The following RGS6 variants were observed in gnomAD, a reference collection of about 807,000 sequenced individuals.
RGS6 encodes regulator of G-protein signaling 6.
In RGS6, 30 loss-of-function variants were observed where a neutral mutation model predicts 78.5. The observed-to-expected ratio is 0.38, with a 90% confidence interval of 0.29 to 0.52. The LOEUF is 0.52. Ranked by LOEUF, RGS6 falls within the 20% of genes least tolerant of loss-of-function variation. The pLI is 0.85. For missense variants in RGS6, 495 were observed against 609.7 expected (o/e 0.81, Z 1.98); for synonymous variants, 206 against 206.0 (o/e 1.00, Z 0.00).
At chr14:72,074,168 G>GA (rs930389003) in intron 2 of RGS6, among the ~76,000 whole-genome samples, 7 of 152,134 alleles carry the variant, frequency 4.6e-5, no homozygotes, top group African/African-American at 1.4e-4. Flanking sequence ...ATAACAGACA[G>GA]AAAAAATGGT....
intron 6 of RGS6, among the ~76,000 whole-genome samples, chr14:72,462,206 A>G (rs2095799797): frequency 6.6e-6 from 1 of 152,200 alleles, no homozygotes; most frequent in Non-Finnish European, 1.5e-5. Flanking sequence ...CAAGCATTCC[A>G]GGCTGGGAGA....
intron 2 of RGS6, among the ~76,000 whole-genome samples, chr14:72,234,586 T>G (rs951275532): frequency 6.6e-6 from 1 of 152,144 alleles, no homozygotes; most frequent in Non-Finnish European, 1.5e-5. Context: ...GTTACAGAGC[T>G]GTGATCGTCT....
At chr14:72,476,695 T>G in intron 10 of RGS6, 47 bp from the exon 11 acceptor site, 1 of 1,542,312 alleles carries the variant, frequency 6.5e-7, no homozygotes, top group Non-Finnish European at 9.0e-7. Context: ...TAAGCCACCC[T>G]CCAATTCTGT....
At chr14:72,354,942 T>C (rs1315503559) in intron 3 of RGS6, among the ~76,000 whole-genome samples, 4 of 152,082 alleles carry the variant, frequency 2.6e-5, no homozygotes, top group Non-Finnish European at 5.9e-5. Context: ...TTTTACTATA[T>C]TATTTTTCAC....
intron 17 of RGS6, chr14:72,541,239 G>GTA: frequency 6.9e-7 from 1 of 1,442,870 alleles, no homozygotes; most frequent in South Asian, 1.2e-5. Flanking sequence ...TGTGTGACTG[G>GTA]TATACGTATT....
At chr14:72,234,891 T>C (rs1309496215) in intron 2 of RGS6, among the ~76,000 whole-genome samples, 1 of 152,132 alleles carries the variant, frequency 6.6e-6, no homozygotes, top group Non-Finnish European at 1.5e-5. Context: ...AGAAGTTGTA[T>C]TGTTCCATTT....
intron 2 of RGS6, among the ~76,000 whole-genome samples, chr14:72,135,798 A>G (rs1402122511): frequency 6.6e-6 from 1 of 152,102 alleles, no homozygotes; most frequent in Non-Finnish European, 1.5e-5. Flanking sequence ...TAAAAGAACA[A>G]ATCTATTTTC....
At chr14:72,072,773 A>C (rs1490950641) in intron 2 of RGS6, among the ~76,000 whole-genome samples, 1 of 152,240 alleles carries the variant, frequency 6.6e-6, no homozygotes, top group African/African-American at 2.4e-5. Flanking sequence ...TTAATTTTAA[A>C]TCAATGCTAA....
At chr14:72,534,755 C>A (rs2097224968) in intron 15 of RGS6, among the ~76,000 whole-genome samples, 1 of 152,150 alleles carries the variant, frequency 6.6e-6, no homozygotes, top group Non-Finnish European at 1.5e-5. Context: ...GATGGGAGGT[C>A]TGTGCCTCCT....
In RGS6 at chr14:72,470,046, T is replaced by A; in HGVS notation, c.499T>A (p.Trp167Arg). Residue 167 changes from tryptophan (W) to arginine (R), a missense_variant, in exon 8 of 18, where the codon TGG becomes AGG. Transcript: ENST00000553525. The stretch of plus-strand genomic sequence containing the variant: ...ACTCCAGAGGGCCTTTGCGAGGAAG[T>A]GGGAATTCATCTTTATGCAAGCAGA... ...ARLQRAFARK[W>R]EFIFMQAEAQ... is the part of the protein sequence containing the mutation. 3 of 1,613,484 alleles carry A rather than the reference T, an allele frequency of 1.9e-6. No individual in the cohort carries two copies. Among genetic ancestry groups the A allele is most frequent in the Non-Finnish European group, 2.5e-6 (3 of 1,179,798 alleles).
At chr14:72,404,788 G>A (rs1407271653) in intron 3 of RGS6, among the ~76,000 whole-genome samples, 2 of 152,170 alleles carry the variant, frequency 1.3e-5, no homozygotes, top group Non-Finnish European at 2.9e-5. Flanking sequence ...TGAATTGAGG[G>A]AAGTGGGGGT....
chr14:72,243,839 C>T (rs847254), intron 2 of RGS6, among the ~76,000 whole-genome samples: 46,259 of 151,344 alleles, frequency 0.31, 7,880 homozygotes, highest in South Asian at 0.42. Flanking sequence ...CTTTTAAGTT[C>T]TAGAGCTATG....
intron 2 of RGS6, among the ~76,000 whole-genome samples, chr14:72,020,076 G>A (rs2088045082): frequency 6.6e-6 from 1 of 152,200 alleles, no homozygotes; most frequent in Admixed American, 6.5e-5. Context: ...TTATATTAAT[G>A]ACTTTGACAA....
At chr14:71,969,451 A>T (rs767130254) in intron 2 of RGS6, among the ~76,000 whole-genome samples, 2 of 152,182 alleles carry the variant, frequency 1.3e-5, no homozygotes, top group Non-Finnish European at 2.9e-5. Context: ...GGCATGGAAG[A>T]CATCACACTC....
chr14:72,279,039 C>T (rs967992149), intron 2 of RGS6, among the ~76,000 whole-genome samples: 12 of 152,084 alleles, frequency 7.9e-5, no homozygotes, highest in African/African-American at 2.4e-4. Flanking sequence ...ACCTTATCAT[C>T]GCTTAACCTT....
At chr14:72,617,120 T>C in the RGS6 span, among the ~76,000 whole-genome samples, 2 of 152,150 alleles carry the variant, frequency 1.3e-5, no homozygotes, top group African/African-American at 4.8e-5. Context: ...AGAGCAGACA[T>C]GGGGCTGAGA....
chr14:71,879,405 G>A, the RGS6 span, among the ~76,000 whole-genome samples: 1 of 152,302 alleles, frequency 6.6e-6, no homozygotes, highest in Non-Finnish European at 1.5e-5. Context: ...ATATGAGCAA[G>A]ATGACTCCTT....
intron 3 of RGS6, among the ~76,000 whole-genome samples, chr14:72,363,886 TC>T (rs1213190197): frequency 6.7e-6 from 1 of 149,212 alleles, no homozygotes; most frequent in Non-Finnish European, 1.5e-5. Context: ...AGAATAGTCT[TC>T]CAACACAGGA....
At chr14:71,937,152 T>C (rs2089595345) in intron 1 of RGS6, among the ~76,000 whole-genome samples, 1 of 152,228 alleles carries the variant, frequency 6.6e-6, no homozygotes, top group Non-Finnish European at 1.5e-5. Context: ...AGGTCAATCA[T>C]GCCAGCCAAC....
Sources: allele counts gnomAD v4.1 joint callset (sites outside exome capture counted in the v4.1 genomes callset), GRCh38; gene constraint gnomAD v4.1.1; transcripts MANE v1.5; gene names NCBI Gene and HGNC (gene_info 2026-07-23, HGNC 2026-07-21).